CEP104: variants seen among roughly 807,000 people sequenced by gnomAD.
The protein encoded by CEP104 is centrosomal protein 104, also known as centrosomal protein of 104 kDa.
In CEP104, 84 loss-of-function variants were observed where a neutral mutation model predicts 113.3. That is an observed-to-expected ratio of 0.74 (90% CI 0.62 to 0.89). The LOEUF (loss-of-function observed/expected upper bound fraction) is 0.89. Ranked by LOEUF, CEP104 falls within the 40% of genes least tolerant of loss-of-function variation. The probability of loss-of-function intolerance (pLI) is 0.00; values close to 1 mark genes in which losing one functional copy is unlikely to be tolerated. For missense variants in CEP104, 1,053 were observed against 1,156.6 expected, an observed-to-expected ratio of 0.91 and a Z score of 1.30; for synonymous variants, 378 against 421.7, an observed-to-expected ratio of 0.90 and a Z score of 1.27.
intron 18 of CEP104, among the ~76,000 whole-genome samples, chr1:3,824,885 G>A (rs1228150028): frequency 7.2e-6 from 1 of 139,130 alleles, no homozygotes; most frequent in Non-Finnish European, 1.6e-5. Context: ...GGCGGCAGTG[G>A]CACCGTGGGA....
chr1:3,842,440 TCA>T (rs1008421221), intron 6 of CEP104, among the ~76,000 whole-genome samples: 12 of 152,304 alleles, frequency 7.9e-5, no homozygotes, highest in Admixed American at 6.5e-4. Context: ...CACTCCACAC[TCA>T]CAAGTGCCTG....
intron 14 of CEP104, 148 bp from the exon 15 acceptor site, chr1:3,829,521 A>AT (rs2124655484): frequency 1.5e-6 from 1 of 681,574 alleles, no homozygotes; most frequent in Non-Finnish European, 2.4e-6. Flanking sequence ...TTTTCCATTG[A>AT]TTTCATTGGT....
At chr1:3,850,787 G>A (rs747852813) in intron 2 of CEP104, among the ~76,000 whole-genome samples, 2 of 152,194 alleles carry the variant, frequency 1.3e-5, no homozygotes, top group Non-Finnish European at 2.9e-5. Context: ...TACATCCTCT[G>A]AAAGCACGTT....
rs1270082576 is a variant in CEP104 at position 3,819,129 on chromosome 1, T to C, written c.2572-2759A>G. On this transcript the variant is annotated intron_variant, in intron 20 of 21. Transcript: ENST00000378230. The surrounding 1 kb of genome is among the most constrained non-coding windows in gnomAD (Gnocchi z 4.6). ...AAAGGACTTTAAAGCAGATACCTAG[T>C]ATGTTCAAGGACTTGAACGTGCAAT... Among the ~76,000 whole-genome samples, 1 of 152,220 alleles carries C rather than the reference T, an allele frequency of 6.6e-6. No homozygotes were observed. Among genetic ancestry groups the C allele is most frequent in the Non-Finnish European group, 1.5e-5 (1 of 68,044 alleles).
intron 4 of CEP104, among the ~76,000 whole-genome samples, 183 bp downstream of exon 4, chr1:3,847,292 C>A (rs1438588305): frequency 6.6e-6 from 1 of 152,200 alleles, no homozygotes; most frequent in Admixed American, 6.5e-5. Flanking sequence ...GTGGTGGGCA[C>A]TGGCCACGTG....
Position 3,844,698 on chromosome 1 carries a change from C to CAAAAAAAAAAA in CEP104, c.566+208_566+209insTTTTTTTTTTT, listed in dbSNP as rs59649331. On this transcript the variant is annotated intron_variant, in intron 6 of 21. Transcript: ENST00000378230. ...GGGCAGCAAGAGTGAAATTCTGTCT[C>CAAAAAAAAAAA]AAAAAAAAAGGAAAAAAATAAATGC... is the stretch of plus-strand genomic sequence containing the variant. 1.0e-4 allele frequency among the ~76,000 whole-genome samples: 8 copies of CAAAAAAAAAAA among 79,728 alleles called. 3 individuals are homozygous for CAAAAAAAAAAA. Among genetic ancestry groups the CAAAAAAAAAAA allele is most frequent in the Non-Finnish European group, 1.7e-4 (7 of 40,986 alleles). 52.3% of individuals were successfully genotyped at this position (79,728 alleles called of 152,430 possible). A position where few individuals can be genotyped will look rare whatever the true frequency, so the allele number is the denominator to read the frequency against.
At position 3,821,955 on chromosome 1, in the gene CEP104, C is replaced by T. The variant is rs527870445; in HGVS notation, c.2571+1219G>A. ...ACCTGATGAGATGGCGGCAATGTGA[C>T]TGACGTCTGGAAGGCTGAGGCTGCT... On this transcript the variant is annotated intron_variant, in intron 20 of 21. Coordinates refer to ENST00000378230, the MANE Select transcript of CEP104 (RefSeq NM_014704.4). Among the ~76,000 whole-genome samples the T allele has an allele frequency of 7.2e-5, 11 of 152,342 alleles. No individual in the cohort carries two copies. The East Asian group carries it at 2.1e-3, about 29-fold the overall frequency.
rs35628110 is a variant in CEP104, at chr1:3,825,145, G to T, written c.2364+613C>A. On this transcript the variant is annotated intron_variant, in intron 18 of 21. Coordinates refer to ENST00000378230, the MANE Select transcript of CEP104 (RefSeq NM_014704.4). ...AGGGGGCAGTGGCACTGTGGGAAGG[G>T]GGCAGTGGCACTGTGGGAAGGGGGC... 4.2e-4 allele frequency among the ~76,000 whole-genome samples: 20 copies of T among 47,832 alleles called. 2 individuals carry two copies. Among genetic ancestry groups the T allele is most frequent in the South Asian group, 3.2e-3 (4 of 1,234 alleles). The allele number at this position is 47,832 out of a possible 152,430, so 31.4% of individuals were successfully genotyped here. A position where few individuals can be genotyped will look rare whatever the true frequency, so the allele number is the denominator to read the frequency against.
rs1187684237 is a variant in CEP104 at position 3,835,054 on chromosome 1, C to T, written c.1356G>A (p.Glu452=). 18 of 1,614,086 alleles carry T rather than the reference C, an allele frequency of 1.1e-5. No individual in the cohort carries two copies. The highest frequency in any genetic ancestry group is 3.3e-4 in the Middle Eastern group (2 of 6,062). Reference sequence around the variant, plus strand: ...TCTTAGACAAGGCAAGCAGTGCATCCTCTCGGTAGGACCACGTCTTACAAT... The same window carrying T: ...TCTTAGACAAGGCAAGCAGTGCATCTTCTCGGTAGGACCACGTCTTACAAT... ...EAYCKTWSYR[E]DALLALSKKL... The change falls in exon 11 of 22, where the codon GAG becomes GAA. Residue 452 remains glutamate (E), a synonymous_variant. Transcript: ENST00000378230.
intron 15 of CEP104, among the ~76,000 whole-genome samples, chr1:3,827,163 G>T (rs1644108052): frequency 6.6e-6 from 1 of 152,302 alleles, no homozygotes; most frequent in East Asian, 1.9e-4. Flanking sequence ...ACATGCAGAA[G>T]TGCAATTCTA....
At chr1:3,826,628 T>C (rs1234445903) in intron 16 of CEP104, 80 bp downstream of exon 16, 70 of 1,525,832 alleles carry the variant, frequency 4.6e-5, no homozygotes, top group Middle Eastern at 1.7e-4. Context: ...CGTTCCCACA[T>C]GGAGCTTCCA....
chr1:3,839,717 T>C lies in CEP104; in HGVS notation c.626A>G (p.Glu209Gly), dbSNP rs140029326. ...DLAFDMYQDP[E>G]VAQIIRKLDE... ...TAATTTTCGTATGATCTGTGCAACTTCTGGATCTTGGTACATATCAAAAGC... is the reference window on the plus strand; with the variant it reads ...TAATTTTCGTATGATCTGTGCAACTCCTGGATCTTGGTACATATCAAAAGC... The change falls in exon 7 of 22, where the codon GAA (glutamate) becomes GGA (glycine). Residue 209 changes from glutamate to glycine, a missense_variant. Glu to Gly is a moderately conservative substitution (Grantham distance 98). Coordinates refer to ENST00000378230, the MANE Select transcript of CEP104 (RefSeq NM_014704.4). 3.1e-4 allele frequency: 496 copies of C among 1,614,140 alleles called. No individual in the cohort carries two copies. Among genetic ancestry groups the C allele is most frequent in the Middle Eastern group, 9.9e-4 (6 of 6,062 alleles).
At chr1:3,817,738 G>A (rs780059434) in intron 20 of CEP104, among the ~76,000 whole-genome samples, 1 of 152,200 alleles carries the variant, frequency 6.6e-6, no homozygotes, top group Non-Finnish European at 1.5e-5. Flanking sequence ...GAGGTGGCAG[G>A]TCCCTCTCCA....
At chr1:3,837,268 C>T (rs1223562187) in intron 9 of CEP104, 24 bp downstream of exon 9, 18 of 1,575,128 alleles carry the variant, frequency 1.1e-5, no homozygotes, top group Non-Finnish European at 1.6e-5. Context: ...AAATTGAACG[C>T]CAATCTGAAA....
At chr1:3,845,484 G>A in intron 4 of CEP104, 133 bp from the exon 5 acceptor site, 1 of 660,006 alleles carries the variant, frequency 1.5e-6, no homozygotes, top group East Asian at 2.9e-5. Flanking sequence ...ATGGCTCACT[G>A]CAGCCTTGAC....
intron 12 of CEP104, 152 bp downstream of exon 12, chr1:3,833,710 C>CT: frequency 1.5e-6 from 1 of 674,384 alleles, no homozygotes; most frequent in Non-Finnish European, 2.3e-6. Context: ...CAAAACTGAC[C>CT]TTTTAGAGCA....
intron 2 of CEP104, among the ~76,000 whole-genome samples, chr1:3,849,799 G>A (rs1203788886): frequency 1.3e-5 from 2 of 151,090 alleles, no homozygotes; most frequent in Non-Finnish European, 2.9e-5. Flanking sequence ...TGAACATAAG[G>A]ACAATAAGTA....
At chr1:3,822,495 A>G (rs1406887706) in intron 20 of CEP104, among the ~76,000 whole-genome samples, 1 of 152,228 alleles carries the variant, frequency 6.6e-6, no homozygotes, top group Non-Finnish European at 1.5e-5. Context: ...TGGCTGAGCC[A>G]GATTCCCAAA....
chr1:3,855,330 T>C (rs114176026), intron 1 of CEP104, among the ~76,000 whole-genome samples: 3,345 of 148,638 alleles, frequency 0.023, 83 homozygotes, highest in East Asian at 0.1. Flanking sequence ...TACAGGCACA[T>C]GCCACCATGC....
Sources: gnomAD v4.1 joint callset for allele counts (sites outside exome capture counted in the v4.1 genomes callset) on GRCh38, gnomAD v4.1.1 for gene constraint, Gnocchi (gnomAD v3.1) non-coding constraint, MANE v1.5 for transcripts, NCBI Gene and HGNC (gene_info 2026-07-23, HGNC 2026-07-21) for gene names.